Variants in METTL2A observed in about 807,000 individuals in gnomAD.
METTL2A encodes methyltransferase 2A, tRNA N3-cytidine.
Under a neutral mutation model 49.4 loss-of-function variants are expected in METTL2A, and 45 were observed. The observed-to-expected ratio is 0.91, with a 90% CI of 0.72 to 1.17. The LOEUF is 1.17. Ranked by LOEUF, METTL2A falls within the 50% of genes most tolerant of loss-of-function variation. The pLI, the probability that METTL2A is intolerant of heterozygous loss-of-function variation, is 0.00. For synonymous variants in METTL2A, 118 were observed against 167.5 expected (o/e 0.70, Z 2.28); for missense variants, 361 against 462.2 (o/e 0.78, Z 2.01).
intron 6 of METTL2A, among the ~76,000 whole-genome samples, chr17:62,441,698 A>G (rs1270163238): frequency 6.9e-6 from 1 of 144,798 alleles, no homozygotes; most frequent in Non-Finnish European, 1.5e-5. Context: ...GCTTGCCTCA[A>G]CCTTGCAAAA....
At position 62,449,769 on chromosome 17, in the gene METTL2A, T is replaced by C. The variant is rs112297294; in HGVS notation, c.*1040T>C. On this transcript the variant is annotated 3_prime_UTR_variant, in exon 9 of 9. Transcript: ENST00000311506. Reference sequence around the variant, plus strand: ...ATGGAATTTTAAGCATTGTTCCCCCTCTAACCTGTGTCTAAAGAATTAAAA... The same window carrying C: ...ATGGAATTTTAAGCATTGTTCCCCCCCTAACCTGTGTCTAAAGAATTAAAA... 0.019 allele frequency: 3,159 copies of C among 167,808 alleles called. 129 individuals carry two copies. Among genetic ancestry groups the C allele is most frequent in the African/African-American group, 0.071 (2,956 of 41,434 alleles). The allele number at this position is 167,808 out of a possible 1,614,324, so 10.4% of individuals were successfully genotyped here. A position where few individuals can be genotyped will look rare whatever the true frequency, so the allele number is the denominator to read the frequency against.
At chr17:62,433,031 T>G (rs2070676895) in intron 4 of METTL2A, among the ~76,000 whole-genome samples, 1 of 152,212 alleles carries the variant, frequency 6.6e-6, no homozygotes, top group Non-Finnish European at 1.5e-5. Context: ...TGATTTAATG[T>G]ATGCAGGAGG....
At chr17:62,435,800 T>C (rs1428681877) in intron 5 of METTL2A, among the ~76,000 whole-genome samples, 1 of 152,112 alleles carries the variant, frequency 6.6e-6, no homozygotes, top group East Asian at 1.9e-4. Context: ...ATATTGCAAT[T>C]AGGCCACTTC....
chr17:62,427,706 GATT>G, intron 3 of METTL2A, 79 bp from the exon 4 acceptor site: 1 of 1,602,432 alleles, frequency 6.2e-7, no homozygotes. Context: ...GATTCTTGTT[GATT>G]ATTATTTTTC....
chr17:62,429,580 C>T (rs113857118), intron 4 of METTL2A, among the ~76,000 whole-genome samples: 2,940 of 151,656 alleles, frequency 0.019, 77 homozygotes, highest in African/African-American at 0.068. Context: ...TGTGAGCCAC[C>T]GCGCCCAGCC....
chr17:62,447,346 G>A (rs1331265951), intron 7 of METTL2A, among the ~76,000 whole-genome samples: 1 of 151,978 alleles, frequency 6.6e-6, no homozygotes, highest in Non-Finnish European at 1.5e-5. Context: ...CTTGAACCTG[G>A]GAGGCAGAGG....
intron 5 of METTL2A, among the ~76,000 whole-genome samples, chr17:62,436,568 GA>G (rs560532529): frequency 7.0e-4 from 106 of 150,910 alleles, no homozygotes; most frequent in Middle Eastern, 3.4e-3. Context: ...GAGAGAGAAA[GA>G]AAAAAAAATA....
At chr17:62,427,582 T>A (rs1287564824) in intron 3 of METTL2A, among the ~76,000 whole-genome samples, 1 of 152,238 alleles carries the variant, frequency 6.6e-6, no homozygotes. Context: ...TTTCTGCTAA[T>A]AAAAACCCGT....
At chr17:62,440,972 AT>A (rs2070735675) in intron 6 of METTL2A, among the ~76,000 whole-genome samples, 1 of 152,034 alleles carries the variant, frequency 6.6e-6, no homozygotes, top group South Asian at 2.1e-4. Context: ...GTCCTGGCCA[AT>A]TTTTGTGTTT....
chr17:62,440,769 C>T lies in METTL2A; in HGVS notation c.809+13C>T. On this transcript the variant is annotated intron_variant, in intron 6 of 8. Coordinates refer to ENST00000311506, the MANE Select transcript of METTL2A (RefSeq NM_181725.4). ...TTGTTCCAGACAAGTAAGTTTGGGT[C>T]CCTTGGCTGGTAGTGTCACAAAAAG... The T allele has an allele frequency of 1.2e-6, 2 of 1,606,728 alleles. No individual in the cohort carries two copies. Among genetic ancestry groups the T allele is most frequent in the Non-Finnish European group, 1.7e-6 (2 of 1,178,130 alleles).
Position 62,440,743 on chromosome 17 carries a change from A to G in METTL2A, c.796A>G (p.Ile266Val), listed in dbSNP as rs746878739. The change falls in exon 6 of 9, where the codon ATT becomes GTT. Residue 266 changes from isoleucine (I) to valine (V), a missense_variant. Physicochemically the swap from Ile to Val is conservative, Grantham distance 29 (BLOSUM62 3). Around this residue, in one of 3 missense-constraint regions of METTL2A, gnomAD observed 183 missense variants for 216.5 expected, o/e 0.85. Coordinates refer to ENST00000311506, the MANE Select transcript of METTL2A (RefSeq NM_181725.4). ...CATTCTCATATTTGTTCTTTCAGCA[A>G]TTGTTCCAGACAAGTAAGTTTGGGT... is the stretch of plus-strand genomic sequence containing the variant. ...IIILIFVLSA[I>V]VPDKMQKAIN... 1.4e-5 allele frequency: 22 copies of G among 1,613,828 alleles called. No individual in the cohort carries two copies. The highest frequency in any genetic ancestry group is 2.7e-5 in the African/African-American group (2 of 74,898).
rs1191810230 is a variant in METTL2A, at chr17:62,452,761, G to A, written c.*4032G>A. On this transcript the variant is annotated 3_prime_UTR_variant, in exon 9 of 9. Transcript: ENST00000311506. ...CCCAAGTAGATGGGACTACAGGCATGTGCCACCAAGCCTAATTTTTGTATT... is the reference window on the plus strand; with the variant it reads ...CCCAAGTAGATGGGACTACAGGCATATGCCACCAAGCCTAATTTTTGTATT... Among the ~76,000 whole-genome samples, 1 of 152,082 alleles carries A rather than the reference G, an allele frequency of 6.6e-6. No homozygotes were observed. Among genetic ancestry groups the A allele is most frequent in the Admixed American group, 6.6e-5 (1 of 15,254 alleles).
At position 62,452,604 on chromosome 17, in the gene METTL2A, T is replaced by C. The variant is rs1465935023; in HGVS notation, c.*3875T>C. On this transcript the variant is annotated 3_prime_UTR_variant, in exon 9 of 9. Coordinates refer to ENST00000311506, the MANE Select transcript of METTL2A (RefSeq NM_181725.4). ...ACTTGTCTCAATATGGACCCATGGG[T>C]ATTTGAGTTTCTTGTGGGGTTATTT... Among the ~76,000 whole-genome samples the C allele has an allele frequency of 6.6e-6, 1 of 151,900 alleles. No individual in the cohort carries two copies. Among genetic ancestry groups the C allele is most frequent in the Non-Finnish European group, 1.5e-5 (1 of 67,978 alleles).
At chr17:62,440,591 T>TAGAA (rs1567736584) in intron 5 of METTL2A, 26 bp from the exon 6 acceptor site, 2 of 1,596,902 alleles carry the variant, frequency 1.3e-6, no homozygotes, top group Admixed American at 3.7e-5. Flanking sequence ...TTTTCTAACT[T>TAGAA]ACCTGTGTCT....
At chr17:62,436,454 A>C (rs1440720223) in intron 5 of METTL2A, among the ~76,000 whole-genome samples, 1 of 152,154 alleles carries the variant, frequency 6.6e-6, no homozygotes, top group Admixed American at 6.6e-5. Flanking sequence ...CAAAAGGCTG[A>C]AGCAGGAGAA....
intron 4 of METTL2A, among the ~76,000 whole-genome samples, chr17:62,429,400 C>T (rs2070649804): frequency 6.6e-6 from 1 of 152,066 alleles, no homozygotes; most frequent in African/African-American, 2.4e-5. Flanking sequence ...AAGTGATTCA[C>T]CTGCCTCAGC....
chr17:62,435,413 A>G lies in METTL2A; in HGVS notation c.669+121A>G, dbSNP rs528822331. The G allele has an allele frequency of 5.7e-6, 8 of 1,406,868 alleles. No homozygotes were observed. The South Asian group carries it at 8.4e-5, about 15-fold the overall frequency. 87.1% of individuals were successfully genotyped at this position (1,406,868 alleles called of 1,614,324 possible). A position where few individuals can be genotyped will look rare whatever the true frequency, so the allele number is the denominator to read the frequency against. On this transcript the variant is annotated intron_variant, in intron 5 of 8. Coordinates refer to ENST00000311506, the MANE Select transcript of METTL2A (RefSeq NM_181725.4). ...GTCTGTGTTCTTACGGTCTAAAAGT[A>G]AAAGATTTACTGATAACGAGCATAC...
At chr17:62,428,931 A>G (rs952616006) in intron 4 of METTL2A, among the ~76,000 whole-genome samples, 12 of 152,136 alleles carry the variant, frequency 7.9e-5, no homozygotes, top group African/African-American at 2.9e-4. Context: ...CTACAGACAC[A>G]TGCCACCATA....
chr17:62,425,627 C>T (rs1376543971), intron 2 of METTL2A, among the ~76,000 whole-genome samples: 2 of 147,070 alleles, frequency 1.4e-5, no homozygotes, highest in Non-Finnish European at 3.0e-5. Flanking sequence ...CCTCGTGATC[C>T]GCCCACCTCA....
Sources: gnomAD v4.1 joint callset for allele counts (sites outside exome capture counted in the v4.1 genomes callset) on GRCh38, gnomAD v4.1.1 for gene constraint, gnomAD v4.1.1 regional missense constraint, MANE v1.5 for transcripts, NCBI Gene and HGNC (gene_info 2026-07-23, HGNC 2026-07-21) for gene names.